The following FHL1 variants were observed in gnomAD, a reference collection of about 807,000 sequenced individuals.
FHL1 encodes the protein four and a half LIM domains protein 1.
A neutral mutation model predicts 20.3 loss-of-function variants in FHL1; 1 was observed. The observed-to-expected ratio is 0.05, with a 90% CI of 0.02 to 0.23. The LOEUF (loss-of-function observed/expected upper bound fraction) is 0.23. FHL1 is among the 10% of genes least tolerant of loss of function. The probability of loss-of-function intolerance (pLI) is 1.00; values close to 1 mark genes in which losing one functional copy is unlikely to be tolerated. For synonymous variants in FHL1, 82 were observed against 88.9 expected (o/e 0.92, Z 0.44); for missense variants, 177 against 234.0 (o/e 0.76, Z 1.59).
chrX:136,168,058 A>G (rs1234298801), upstream of FHL1: 2 of 112,699 alleles, frequency 1.8e-5, no homozygotes, highest in Non-Finnish European at 3.7e-5. Context: ...TTAACATTCA[A>G]TGGGTACCTT....
At chrX:136,161,175 G>A (rs761749575) in intron 1 of FHL1, among the ~76,000 whole-genome samples, 3 of 111,557 alleles carry the variant, frequency 2.7e-5, no homozygotes, top group South Asian at 3.8e-4. Flanking sequence ...AGGTATAGTG[G>A]CAGCGGCTTG....
At chrX:136,162,724 A>G (rs2072606286) in intron 1 of FHL1, among the ~76,000 whole-genome samples, 1 of 111,811 alleles carries the variant, frequency 8.9e-6, no homozygotes, top group Admixed American at 9.5e-5. Context: ...GAGGCACAAT[A>G]AAGTCTGACA....
upstream of FHL1, chrX:136,147,326 G>C (rs908698278): frequency 5.5e-5 from 1 of 18,134 alleles, no homozygotes; most frequent in African/African-American, 2.3e-4. Flanking sequence ...ACGCCCGTCC[G>C]GCCGTCTCCC....
At chrX:136,160,383 A>G (rs2072533495) in intron 1 of FHL1, among the ~76,000 whole-genome samples, 1 of 112,005 alleles carries the variant, frequency 8.9e-6, no homozygotes, top group African/African-American at 3.2e-5. Context: ...AAATACCAAT[A>G]AAGGGAAGAG....
chrX:136,197,694 C>A (rs562520908), intron 1 of FHL1, among the ~76,000 whole-genome samples: 2 of 112,615 alleles, frequency 1.8e-5, no homozygotes, highest in African/African-American at 6.4e-5. Context: ...GAAAAAGGGG[C>A]ACATTTTGGA....
intron 1 of FHL1, among the ~76,000 whole-genome samples, chrX:136,153,055 TG>T (rs1183211514): frequency 8.9e-6 from 1 of 112,168 alleles, no homozygotes; most frequent in Non-Finnish European, 1.9e-5. Flanking sequence ...ATTTGGTTTT[TG>T]TCTTCTTTTT....
Position 136,197,110 on chromosome X carries a change from G to C in FHL1, c.-3G>C. 1 of 1,209,329 alleles carries C rather than the reference G, an allele frequency of 8.3e-7. No homozygotes were observed. The highest frequency in any genetic ancestry group is 1.8e-5 in the South Asian group (1 of 56,579). On this transcript the variant is annotated 5_prime_UTR_variant, in exon 1 of 6. Transcript: ENST00000370683. Reference sequence around the variant, plus strand: ...TGCTGCTCCTGAACTTGGTCTCTGAGCCATGGCTTCCCATAGACACTCAGG... The same window carrying C: ...TGCTGCTCCTGAACTTGGTCTCTGACCCATGGCTTCCCATAGACACTCAGG...
chrX:136,210,585 A>T lies in FHL1; in HGVS notation c.*560A>T. 1 of 390,498 alleles carries T rather than the reference A, an allele frequency of 2.6e-6. No homozygotes were observed. The allele number at this position is 390,498 out of a possible 1,213,427, so 32.2% of individuals were successfully genotyped here. ...ACTAACACGAACTTCCAGAAAATTA[A>T]CATTTGAACTTAGCTGTAATTCTAA... On this transcript the variant is annotated 3_prime_UTR_variant, in exon 6 of 6. Transcript: ENST00000370683.
chrX:136,180,709 G>T (rs1436572824), intron 2 of FHL1, among the ~76,000 whole-genome samples: 3 of 112,245 alleles, frequency 2.7e-5, no homozygotes, highest in Non-Finnish European at 3.8e-5. Flanking sequence ...TCATCCTGGA[G>T]AACACATACT....
At chrX:136,176,619 C>T (rs921955172) in intron 2 of FHL1, among the ~76,000 whole-genome samples, 2 of 111,251 alleles carry the variant, frequency 1.8e-5, no homozygotes, top group South Asian at 3.8e-4. Context: ...TCTGTTGGGC[C>T]TAGTTCTGTT....
intron 2 of FHL1, among the ~76,000 whole-genome samples, chrX:136,177,846 C>T (rs1279967288): frequency 1.8e-5 from 2 of 112,191 alleles, no homozygotes; most frequent in East Asian, 2.8e-4. Flanking sequence ...CCATCATGAA[C>T]GCTCCTATTA....
intron 1 of FHL1, among the ~76,000 whole-genome samples, chrX:136,203,279 A>C (rs2073761778): frequency 8.9e-6 from 1 of 112,405 alleles, no homozygotes; most frequent in Non-Finnish European, 1.9e-5. Context: ...ATGTATTCTA[A>C]AAGAATATGC....
chrX:136,184,657 G>A lies in FHL1; in HGVS notation c.-27+14677G>A, dbSNP rs767210142. On this transcript the variant is annotated intron_variant, in intron 2 of 6. Coordinates refer to the FHL1 transcript ENST00000394153. ...ATTGCCAGTCTTTTCACAAAGACCT[G>A]CCACTAGATTTTGTAGTATATGATA... Among the ~76,000 whole-genome samples, 11 of 111,397 alleles carry A rather than the reference G, an allele frequency of 9.9e-5. No individual in the cohort carries two copies. In the East Asian group the frequency reaches 3.1e-3, roughly 31 times the overall value.
chrX:136,154,938 C>T (rs747613467), intron 1 of FHL1, among the ~76,000 whole-genome samples: 5 of 112,194 alleles, frequency 4.5e-5, no homozygotes, highest in Admixed American at 3.8e-4. Context: ...AACTCCTGAC[C>T]TCAGGTGATC....
intron 5 of FHL1, chrX:136,209,511 C>G: frequency 1.8e-6 from 2 of 1,082,673 alleles, no homozygotes; most frequent in Non-Finnish European, 2.5e-6. Flanking sequence ...TGGCCCTGAC[C>G]TAAATCAAAG....
At chrX:136,207,457 TAGTA>T (rs2073874464) in intron 3 of FHL1, 1 of 428,800 alleles carries the variant, frequency 2.3e-6, no homozygotes, top group Non-Finnish European at 4.1e-6. Context: ...CATTTGGGCG[TAGTA>T]AGTGATGAAA....
chrX:136,163,113 C>A (rs953871395), intron 1 of FHL1, among the ~76,000 whole-genome samples: 8 of 112,218 alleles, frequency 7.1e-5, no homozygotes, highest in South Asian at 7.4e-4. Flanking sequence ...GGTTTAATCA[C>A]CCCACCTCTT....
intron 1 of FHL1, among the ~76,000 whole-genome samples, chrX:136,154,532 C>T (rs2072357857): frequency 8.9e-6 from 1 of 111,793 alleles, no homozygotes; most frequent in East Asian, 2.8e-4. Flanking sequence ...GGCTTTTGCT[C>T]CATGAAAGTA....
intron 2 of FHL1, among the ~76,000 whole-genome samples, chrX:136,175,562 T>C (rs961648421): frequency 6.2e-5 from 7 of 112,683 alleles, no homozygotes; most frequent in African/African-American, 2.3e-4. Context: ...AGAAAGAATT[T>C]AAATGTCTAA....
Sources: gnomAD v4.1 joint callset for allele counts (sites outside exome capture counted in the v4.1 genomes callset) on GRCh38, gnomAD v4.1.1 for gene constraint, MANE v1.5 for transcripts, NCBI Gene and HGNC (gene_info 2026-07-23, HGNC 2026-07-21) for gene names.